Variants in PTPRT observed in about 807,000 individuals in gnomAD.
PTPRT encodes receptor-type tyrosine-protein phosphatase T.
A neutral mutation model predicts 176.8 loss-of-function variants in PTPRT; 56 were observed. The observed-to-expected ratio is 0.32, with a 90% CI of 0.26 to 0.40. The LOEUF is 0.40. Ranked by LOEUF, PTPRT falls within the 10% of genes least tolerant of loss-of-function variation. The probability of loss-of-function intolerance (pLI) is 1.00; values close to 1 mark genes in which losing one functional copy is unlikely to be tolerated. For missense variants in PTPRT, 1,540 were observed against 1,908.2 expected (o/e 0.81, Z 3.60); for synonymous variants, 783 against 739.0 (o/e 1.06, Z -0.96).
intron 6 of PTPRT, among the ~76,000 whole-genome samples, chr20:42,689,797 C>G (rs984691328): frequency 2.9e-4 from 44 of 152,056 alleles, no homozygotes; most frequent in African/African-American, 1.0e-3. Context: ...AAAGGGACCA[C>G]TAGGCAGGGA....
intron 2 of PTPRT, among the ~76,000 whole-genome samples, chr20:42,795,711 T>G (rs528850047): frequency 6.6e-6 from 1 of 152,276 alleles, no homozygotes; most frequent in East Asian, 1.9e-4. Context: ...TGAAACAAGT[T>G]CTGGATCTTC....
intron 15 of PTPRT, among the ~76,000 whole-genome samples, chr20:42,223,505 C>T (rs193173385): frequency 5.9e-5 from 9 of 152,290 alleles, no homozygotes; most frequent in Non-Finnish European, 1.0e-4. Flanking sequence ...CACTGTTTAA[C>T]GCCCTTAAGG....
At chr20:42,486,587 T>C (rs1461944490) in intron 7 of PTPRT, among the ~76,000 whole-genome samples, 5 of 152,174 alleles carry the variant, frequency 3.3e-5, no homozygotes, top group Non-Finnish European at 5.9e-5. Flanking sequence ...TAGTGGGATG[T>C]TGTCACCATA....
Position 42,363,389 on chromosome 20 carries a change from C to T in PTPRT, c.1561-11104G>A, listed in dbSNP as rs186833173. On this transcript the variant is annotated intron_variant, in intron 9 of 30. Coordinates refer to ENST00000373187, the MANE Select transcript of PTPRT (RefSeq NM_007050.6). ...GCAGTGGTGTGATCTTGGCTCACCG[C>T]AACCTCCGCCTCCCGGGTACAAGCA... 3.6e-3 allele frequency among the ~76,000 whole-genome samples: 496 copies of T among 139,448 alleles called. 3 individuals are homozygous for T. The highest frequency in any genetic ancestry group is 5.5e-3 in the Non-Finnish European group (361 of 66,006). 91.5% of individuals were successfully genotyped at this position (139,448 alleles called of 152,430 possible). A position where few individuals can be genotyped will look rare whatever the true frequency, so the allele number is the denominator to read the frequency against.
intron 19 of PTPRT, among the ~76,000 whole-genome samples, chr20:42,127,923 C>T (rs1987938440): frequency 6.6e-6 from 1 of 152,156 alleles, no homozygotes; most frequent in Non-Finnish European, 1.5e-5. Flanking sequence ...TAAATCATGC[C>T]AAAGCTCAGT....
chr20:42,415,545 C>T (rs535005537), intron 9 of PTPRT, among the ~76,000 whole-genome samples: 1 of 152,206 alleles, frequency 6.6e-6, no homozygotes, highest in South Asian at 2.1e-4. Flanking sequence ...ACATTGTTCT[C>T]CTGCATGGTA....
chr20:42,423,354 C>T (rs2059137685), intron 9 of PTPRT, among the ~76,000 whole-genome samples: 1 of 152,084 alleles, frequency 6.6e-6, no homozygotes, highest in Non-Finnish European at 1.5e-5. Context: ...GGGAATGACA[C>T]GTCACCCAGG....
At chr20:42,580,567 T>C (rs1198135383) in intron 7 of PTPRT, among the ~76,000 whole-genome samples, 1 of 151,984 alleles carries the variant, frequency 6.6e-6, no homozygotes, top group African/African-American at 2.4e-5. Context: ...GTTTGTATCC[T>C]CTTTTATTTC....
At chr20:42,126,189 T>C (rs1987850797) in intron 19 of PTPRT, among the ~76,000 whole-genome samples, 1 of 152,156 alleles carries the variant, frequency 6.6e-6, no homozygotes, top group Middle Eastern at 3.2e-3. Flanking sequence ...AACACCTACC[T>C]TGAAGGGTTG....
chr20:43,177,956 T>G (rs774365266), intron 1 of PTPRT, among the ~76,000 whole-genome samples: 1 of 152,234 alleles, frequency 6.6e-6, no homozygotes, highest in Non-Finnish European at 1.5e-5. Context: ...GGAACAGGGA[T>G]CTTCCAAGAG....
intron 8 of PTPRT, among the ~76,000 whole-genome samples, chr20:42,457,751 A>G (rs984339646): frequency 1.3e-5 from 2 of 152,200 alleles, no homozygotes; most frequent in Non-Finnish European, 2.9e-5. Flanking sequence ...CCGTGGCAAG[A>G]GGGCTTTTTA....
At chr20:42,414,312 C>G (rs988429007) in intron 9 of PTPRT, among the ~76,000 whole-genome samples, 3 of 152,158 alleles carry the variant, frequency 2.0e-5, no homozygotes, top group Non-Finnish European at 4.4e-5. Flanking sequence ...TATCTCATAT[C>G]CAAATTTTGC....
rs187796448 is a variant in PTPRT at position 42,098,308 on chromosome 20, C to A, written c.3846+113G>T. 119 of 1,454,980 alleles carry A rather than the reference C, an allele frequency of 8.2e-5. No homozygotes were observed. In the African/African-American group the frequency reaches 1.5e-3, roughly 18 times the overall value. The allele number at this position is 1,454,980 out of a possible 1,614,324, so 90.1% of individuals were successfully genotyped here. A position where few individuals can be genotyped will look rare whatever the true frequency, so the allele number is the denominator to read the frequency against. ...GCTCGTGGCCAGACACTGCTTATTA[C>A]AAGACAGCTGGCTGGGGCAGATGTG... On this transcript the variant is annotated intron_variant, in intron 27 of 30. Transcript: ENST00000373187.
intron 11 of PTPRT, among the ~76,000 whole-genome samples, chr20:42,338,538 A>C (rs940656933): frequency 6.6e-6 from 1 of 152,230 alleles, no homozygotes; most frequent in African/African-American, 2.4e-5. Context: ...TTAAGCAGGA[A>C]CAGGGTGTCC....
At chr20:42,771,115 G>A (rs117181260) in intron 5 of PTPRT, among the ~76,000 whole-genome samples, 1 of 152,266 alleles carries the variant, frequency 6.6e-6, no homozygotes, top group East Asian at 1.9e-4. Flanking sequence ...GCTGGTTAGA[G>A]CAGAAAATTC....
intron 1 of PTPRT, among the ~76,000 whole-genome samples, chr20:42,975,283 T>C (rs998086758): frequency 9.2e-5 from 14 of 152,296 alleles, no homozygotes; most frequent in Admixed American, 5.9e-4. Context: ...GCATATGCTA[T>C]GGTTACATGG....
chr20:42,904,424 A>C (rs1466824291), intron 1 of PTPRT, among the ~76,000 whole-genome samples: 5 of 152,190 alleles, frequency 3.3e-5, no homozygotes, highest in African/African-American at 1.2e-4. Context: ...CTCTTCCTCC[A>C]GCTGGTTGCA....
At chr20:42,727,320 G>T (rs183070078) in intron 6 of PTPRT, among the ~76,000 whole-genome samples, 61 of 152,302 alleles carry the variant, frequency 4.0e-4, no homozygotes, top group African/African-American at 1.4e-3. Flanking sequence ...TTCTTCAGTT[G>T]TAAAATGGGT....
chr20:43,085,766 A>G (rs943723100), intron 1 of PTPRT, among the ~76,000 whole-genome samples: 7 of 152,178 alleles, frequency 4.6e-5, no homozygotes, highest in African/African-American at 1.7e-4. Context: ...GACATGTGAG[A>G]ATTACAGGAG....
Sources: gnomAD v4.1 joint callset for allele counts (sites outside exome capture counted in the v4.1 genomes callset) on GRCh38, gnomAD v4.1.1 for gene constraint, MANE v1.5 for transcripts, NCBI Gene and HGNC (gene_info 2026-07-23, HGNC 2026-07-21) for gene names.